The following LRFN1 variants were observed in gnomAD, a reference collection of about 807,000 sequenced individuals.
LRFN1 encodes leucine-rich repeat and fibronectin type III domain-containing protein 1.
LRFN1 carries 20 observed loss-of-function variants against 31.8 expected under a neutral mutation model. That is an observed-to-expected ratio of 0.63 (90% CI 0.44 to 0.91). The LOEUF (loss-of-function observed/expected upper bound fraction) is 0.91, where lower values mean the gene tolerates loss of function less well. Ranked by LOEUF, LRFN1 falls within the 40% of genes least tolerant of loss-of-function variation. The probability of loss-of-function intolerance (pLI) is 0.00; values close to 1 mark genes in which losing one functional copy is unlikely to be tolerated. For missense variants in LRFN1, 912 were observed against 1,129.8 expected (o/e 0.81, Z 2.76); for synonymous variants, 514 against 541.3 (o/e 0.95, Z 0.70).
rs369371960 is a variant in LRFN1 at position 39,308,434 on chromosome 19, C to T, written c.1515G>A (p.Pro505=). 2.5e-5 allele frequency: 41 copies of T among 1,610,972 alleles called. No individual in the cohort carries two copies. The highest frequency in any genetic ancestry group is 3.3e-5 in the Non-Finnish European group (39 of 1,179,526). The change falls in exon 5 of 5, where the codon CCG becomes CCA. Residue 505 remains proline, a synonymous_variant. Transcript: ENST00000248668. The surrounding 1 kb of genome is among the most constrained non-coding windows in gnomAD (Gnocchi z 6.2). ...AVYDDGATAL[P]ATRVVGCVQF... is the part of the protein sequence containing the mutation. ...GTACACAGCCCACCACTCGCGTTGC[C>T]GGCAGCGCTGTGGCCCCGTCGTCGT... is the stretch of plus-strand genomic sequence containing the variant.
chr19:39,309,457 T>C (rs1480558934), intron 4 of LRFN1, among the ~76,000 whole-genome samples: 1 of 105,636 alleles, frequency 9.5e-6, no homozygotes, highest in South Asian at 2.7e-4. Flanking sequence ...ACCGAGACTC[T>C]GTCTCAAAAA....
Position 39,315,106 on chromosome 19 carries a change from G to A in LRFN1, c.231C>T (p.Ile77=), listed in dbSNP as rs767807812. ...CGAAGTCTCGGCGGCGCACGGCGGC[G>A]ATGAAGTTGTCGGTGAGCCGCAGCT... The part of the protein sequence containing the change: ...VVELRLTDNF[I]AAVRRRDFAN... The change falls in exon 4 of 5, where the codon ATC becomes ATT. Residue 77 remains isoleucine (I), a synonymous_variant. Transcript: ENST00000248668. The surrounding 1 kb of genome is among the most constrained non-coding windows in gnomAD (Gnocchi z 4.7). 3.1e-6 allele frequency: 5 copies of A among 1,593,956 alleles called. No individual in the cohort carries two copies. In the Admixed American group the frequency reaches 5.1e-5, roughly 16 times the overall value.
At position 39,314,062 on chromosome 19, in the gene LRFN1, C is replaced by T. The variant is rs750732648; in HGVS notation, c.1275G>A (p.Glu425=). 6.2e-7 allele frequency: 1 copy of T among 1,612,296 alleles called. No individual in the cohort carries two copies. Among genetic ancestry groups the T allele is most frequent in the Non-Finnish European group, 8.5e-7 (1 of 1,179,736 alleles). ...TGAGCTCGGCTGCCACGAGCCGACG[C>T]TCAGCCGCAGAATCGTTGGCACCTG... is the stretch of plus-strand genomic sequence containing the variant. ...GRPGANDSAA[E]RRLVAAELTS... Residue 425 remains glutamate, a synonymous_variant, in exon 4 of 5, where the codon GAG becomes GAA. Coordinates refer to ENST00000248668, the MANE Select transcript of LRFN1 (RefSeq NM_020862.2).
chr19:39,315,197 A>C lies in LRFN1; in HGVS notation c.140T>G (p.Leu47Arg). 6.3e-7 allele frequency: 1 copy of C among 1,583,908 alleles called. No homozygotes were observed. Among genetic ancestry groups the C allele is most frequent in the Non-Finnish European group, 8.5e-7 (1 of 1,171,970 alleles). ...RCICQNVAPT[L>R]TMLCAKTGLL... ...GCCGGTCTTGGCGCACAGCATTGTC[A>C]GTGTGGGCGCCACGTTCTGGCAGAT... The change falls in exon 4 of 5, where the codon CTG becomes CGG. Residue 47 changes from leucine to arginine, a missense_variant. Leu to Arg is a moderately radical substitution (Grantham distance 102). This residue lies in a region of LRFN1 where 401 missense variants were observed against 572.7 expected (regional missense o/e 0.70). Transcript: ENST00000248668. The surrounding 1 kb of genome is among the most constrained non-coding windows in gnomAD (Gnocchi z 4.7).
In LRFN1 at chr19:39,308,831, G is replaced by C. The variant is rs2075140499; in HGVS notation, c.1407-289C>G. ...ACCTCCTCTGCATATCCCGGCCCCT[G>C]CAGGGGAGAAGTGCTATGGCTTTTA... is the stretch of plus-strand genomic sequence containing the variant. On this transcript the variant is annotated intron_variant, in intron 4 of 4. Transcript: ENST00000248668. This position sits in a 1 kb window ranked among gnomAD's most constrained non-coding sequence, Gnocchi z 6.2. 6.6e-6 allele frequency among the ~76,000 whole-genome samples: 1 copy of C among 152,166 alleles called. No homozygotes were observed. The highest frequency in any genetic ancestry group is 6.5e-5 in the Admixed American group (1 of 15,284).
intron 2 of LRFN1, among the ~76,000 whole-genome samples, chr19:39,316,860 G>A (rs1039334989): frequency 6.6e-6 from 1 of 152,154 alleles, no homozygotes; most frequent in Non-Finnish European, 1.5e-5. Flanking sequence ...GATGGGAAGG[G>A]GGCGTCCCTA....
In LRFN1 at chr19:39,315,297, G is replaced by T; in HGVS notation, c.40C>A (p.Pro14Thr). 6.7e-7 allele frequency: 1 copy of T among 1,495,562 alleles called. No individual in the cohort carries two copies. 92.6% of individuals were successfully genotyped at this position (1,495,562 alleles called of 1,614,324 possible). The part of the protein sequence containing the change: ...GPFSSALLSP[P>T]PAALPFLLLL... ...AGCAGAAAGGGCAGGGCAGCGGGCGGCGGCGAGAGGAGGGCCGAGGAGAAG... is the reference window on the plus strand; with the variant it reads ...AGCAGAAAGGGCAGGGCAGCGGGCGTCGGCGAGAGGAGGGCCGAGGAGAAG... The change falls in exon 4 of 5, where the codon CCG (proline) becomes ACG (threonine). Residue 14 changes from proline (P) to threonine (T), a missense_variant. This residue lies in a region of LRFN1 where 401 missense variants were observed against 572.7 expected (regional missense o/e 0.70). Transcript: ENST00000248668. This position sits in a 1 kb window ranked among gnomAD's most constrained non-coding sequence, Gnocchi z 4.7.
Position 39,314,414 on chromosome 19 carries a change from C to G in LRFN1, c.923G>C (p.Arg308Pro). ...CGCCTGGCCTTCCACCACCAGGGCCCGGCCCCCCGCCTGCCGTGTGATCAG... is the reference window on the plus strand; with the variant it reads ...CGCCTGGCCTTCCACCACCAGGGCCGGGCCCCCCGCCTGCCGTGTGATCAG... ...PPLITRQAGG[R>P]ALVVEGQAVS... Residue 308 changes from arginine (R) to proline (P), a missense_variant, in exon 4 of 5, where the codon CGG (arginine) becomes CCG (proline). Physicochemically the swap from Arg to Pro is moderately radical, Grantham distance 103 (BLOSUM62 -2). This residue lies in a region of LRFN1 where 401 missense variants were observed against 572.7 expected (regional missense o/e 0.70). Transcript: ENST00000248668. The G allele has an allele frequency of 6.2e-7, 1 of 1,604,008 alleles. No homozygotes were observed. The highest frequency in any genetic ancestry group is 8.5e-7 in the Non-Finnish European group (1 of 1,176,962).
intron 1 of LRFN1, among the ~76,000 whole-genome samples, chr19:39,320,104 C>T (rs1012079692): frequency 6.7e-6 from 1 of 149,250 alleles, no homozygotes; most frequent in African/African-American, 2.5e-5. Context: ...CGCCCATCCC[C>T]CCCCCGCAAC....
In LRFN1 at chr19:39,315,211, G is replaced by A; in HGVS notation, c.126C>T (p.Asn42=). The change falls in exon 4 of 5, where the codon AAC becomes AAT. Residue 42 remains asparagine (N), a synonymous_variant. Transcript: ENST00000248668. This position sits in a 1 kb window ranked among gnomAD's most constrained non-coding sequence, Gnocchi z 4.7. ...ACAGCATTGTCAGTGTGGGCGCCAC[G>A]TTCTGGCAGATGCAGCGGCCGGGGC... ...QPCPGRCICQ[N]VAPTLTMLCA... The A allele has an allele frequency of 1.9e-6, 3 of 1,577,470 alleles. No homozygotes were observed. The highest frequency in any genetic ancestry group is 2.6e-6 in the Non-Finnish European group (3 of 1,168,580).
Position 39,315,229 on chromosome 19 carries a change from G to T in LRFN1, c.108C>A (p.Gly36=), listed in dbSNP as rs752507037. 2 of 1,564,112 alleles carry T rather than the reference G, an allele frequency of 1.3e-6. 1 individual carries two copies. Among genetic ancestry groups the T allele is most frequent in the South Asian group, 2.3e-5 (2 of 86,324 alleles). The change falls in exon 4 of 5, where the codon GGC becomes GGA. Residue 36 remains glycine, a synonymous_variant. Coordinates refer to ENST00000248668, the MANE Select transcript of LRFN1 (RefSeq NM_020862.2). This position sits in a 1 kb window ranked among gnomAD's most constrained non-coding sequence, Gnocchi z 4.7. ...AGASRGQPCP[G]RCICQNVAPT... is the part of the protein sequence containing the mutation. Reference sequence around the variant, plus strand: ...GCGCCACGTTCTGGCAGATGCAGCGGCCGGGGCAGGGCTGGCCACGAGATG... The same window carrying T: ...GCGCCACGTTCTGGCAGATGCAGCGTCCGGGGCAGGGCTGGCCACGAGATG...
intron 2 of LRFN1, among the ~76,000 whole-genome samples, chr19:39,317,578 T>A (rs1274370241): frequency 1.3e-5 from 2 of 151,762 alleles, no homozygotes; most frequent in Non-Finnish European, 2.9e-5. Context: ...TTATGGAGAG[T>A]GGTGCAGCAC....
In LRFN1 at chr19:39,308,646, G is replaced by C. The variant is rs968172969; in HGVS notation, c.1407-104C>G. ...ACAGTGGGGACTAAACCCTGCTATC[G>C]AAGTCTCAGCCGCTACTGAGACAAC... On this transcript the variant is annotated intron_variant, in intron 4 of 4. Transcript: ENST00000248668. This position sits in a 1 kb window ranked among gnomAD's most constrained non-coding sequence, Gnocchi z 6.2. 37 of 1,064,806 alleles carry C rather than the reference G, an allele frequency of 3.5e-5. No homozygotes were observed. The highest frequency in any genetic ancestry group is 4.5e-5 in the Non-Finnish European group (34 of 760,450). The allele number at this position is 1,064,806 out of a possible 1,614,324, so 66.0% of individuals were successfully genotyped here.
In LRFN1 at chr19:39,308,395, A is replaced by G. The variant is rs1445082571; in HGVS notation, c.1554T>C (p.Ala518=). 6.2e-7 allele frequency: 1 copy of G among 1,611,412 alleles called. No individual in the cohort carries two copies. Among genetic ancestry groups the G allele is most frequent in the Non-Finnish European group, 8.5e-7 (1 of 1,179,308 alleles). Residue 518 remains alanine (A), a synonymous_variant, in exon 5 of 5, where the codon GCT becomes GCC. Coordinates refer to ENST00000248668, the MANE Select transcript of LRFN1 (RefSeq NM_020862.2). This position sits in a 1 kb window ranked among gnomAD's most constrained non-coding sequence, Gnocchi z 6.2. ...RVVGCVQFTT[A]GDPAPCRPLR... ...GCGGGCGGCAGGGCGCCGGATCCCC[A>G]GCGGTGGTGAACTGTACACAGCCCA...
chr19:39,318,485 G>A (rs989364877), intron 1 of LRFN1, 127 bp from the exon 2 acceptor site: 12 of 152,172 alleles, frequency 7.9e-5, no homozygotes, highest in African/African-American at 2.7e-4. Context: ...CTCCTGTGGC[G>A]GGTTTTGCAT....
intron 1 of LRFN1, among the ~76,000 whole-genome samples, chr19:39,320,305 G>GAC (rs35232910): frequency 0.13 from 17,781 of 134,486 alleles, 1,389 homozygotes; most frequent in African/African-American, 0.23. Context: ...ACAACCCGCA[G>GAC]ACACACACAC....
chr19:39,311,875 CTTTT>C (rs562002567), intron 4 of LRFN1, among the ~76,000 whole-genome samples: 3 of 100,660 alleles, frequency 3.0e-5, no homozygotes, highest in Non-Finnish European at 5.9e-5. Context: ...AAAAGGGAGG[CTTTT>C]TTTTTTTTTT....
chr19:39,320,160 G>T (rs368752176), intron 1 of LRFN1, among the ~76,000 whole-genome samples: 1 of 149,640 alleles, frequency 6.7e-6, no homozygotes, highest in Non-Finnish European at 1.5e-5. Context: ...GACCGCTAAG[G>T]ACCCCCCAGT....
chr19:39,308,343 T>G lies in LRFN1; in HGVS notation c.1606A>C (p.Met536Leu). 1 of 1,612,890 alleles carries G rather than the reference T, an allele frequency of 6.2e-7. No individual in the cohort carries two copies. ...ATGACGCCCCCGATGGCGATGATCATGGTGCCGCCCAAGAAATGGGCCCTC... is the reference window on the plus strand; with the variant it reads ...ATGACGCCCCCGATGGCGATGATCAGGGTGCCGCCCAAGAAATGGGCCCTC... ...PLRAHFLGGT[M>L]IIAIGGVIVA... Residue 536 changes from methionine to leucine, a missense_variant, in exon 5 of 5, where the codon ATG (methionine) becomes CTG (leucine). By Grantham distance (15) the Met-to-Leu change is conservative. Transcript: ENST00000248668. This position sits in a 1 kb window ranked among gnomAD's most constrained non-coding sequence, Gnocchi z 6.2.
Sources: allele counts gnomAD v4.1 joint callset (sites outside exome capture counted in the v4.1 genomes callset), GRCh38; gene constraint gnomAD v4.1.1; regional missense constraint gnomAD v4.1.1; non-coding constraint Gnocchi (gnomAD v3.1); transcripts MANE v1.5; gene names NCBI Gene and HGNC (gene_info 2026-07-23, HGNC 2026-07-21).